The following PLA2G4A variants were observed in gnomAD, a reference collection of about 807,000 sequenced individuals.
The protein encoded by PLA2G4A is cytosolic phospholipase A2.
A neutral mutation model predicts 81.9 loss-of-function variants in PLA2G4A; 40 were observed. That is an observed-to-expected ratio of 0.49 (90% CI 0.38 to 0.64). PLA2G4A has a LOEUF of 0.64. PLA2G4A is among the 30% of genes least tolerant of loss of function. The pLI is 0.00. For missense variants in PLA2G4A, 715 were observed against 905.1 expected, an observed-to-expected ratio of 0.79 and a Z score of 2.69; for synonymous variants, 302 against 296.9, an observed-to-expected ratio of 1.02 and a Z score of -0.18.
intron 1 of PLA2G4A, among the ~76,000 whole-genome samples, chr1:186,853,365 C>A (rs1652443178): frequency 4.0e-5 from 6 of 151,378 alleles, no homozygotes; most frequent in Admixed American, 4.0e-4. Flanking sequence ...GGTGATTACA[C>A]TTTATTCTTT....
At chr1:186,876,272 T>TGTTCA (rs1455668476) in intron 3 of PLA2G4A, among the ~76,000 whole-genome samples, 1 of 152,144 alleles carries the variant, frequency 6.6e-6, no homozygotes, top group Non-Finnish European at 1.5e-5. Flanking sequence ...TATGTGCAAA[T>TGTTCA]GTTCAGTTCT....
intron 5 of PLA2G4A, among the ~76,000 whole-genome samples, chr1:186,903,680 T>C (rs1005156022): frequency 6.6e-6 from 1 of 152,198 alleles, no homozygotes; most frequent in Non-Finnish European, 1.5e-5. Context: ...TGCCTGAGGA[T>C]CTGTCACTGT....
rs1487426290 is a variant in PLA2G4A, at chr1:186,878,359, T to A, written c.115+7843T>A. ...GATATATTTTATATATATATATAAA[T>A]ATATCTTTTCTGATATAAATATTTC... On this transcript the variant is annotated intron_variant, in intron 3 of 17. Coordinates refer to ENST00000367466, the MANE Select transcript of PLA2G4A (RefSeq NM_024420.3). Among the ~76,000 whole-genome samples, 13 of 146,992 alleles carry A rather than the reference T, an allele frequency of 8.8e-5. No individual in the cohort carries two copies. In the South Asian group the frequency reaches 2.7e-3, roughly 31 times the overall value.
intron 10 of PLA2G4A, among the ~76,000 whole-genome samples, chr1:186,940,477 C>T (rs1656111087): frequency 6.6e-6 from 1 of 152,120 alleles, no homozygotes; most frequent in East Asian, 1.9e-4. Context: ...TACAGTCCTC[C>T]CTTGGTACTC....
chr1:186,904,360 T>C (rs1654659755), intron 5 of PLA2G4A, among the ~76,000 whole-genome samples: 1 of 152,234 alleles, frequency 6.6e-6, no homozygotes, highest in Non-Finnish European at 1.5e-5. Context: ...TGGAAGCCTG[T>C]AATGCAGAGA....
intron 5 of PLA2G4A, among the ~76,000 whole-genome samples, chr1:186,900,850 T>C (rs1654512196): frequency 6.6e-6 from 1 of 152,232 alleles, no homozygotes; most frequent in Non-Finnish European, 1.5e-5. Flanking sequence ...ATTTAGAAGT[T>C]GGTGTTAAAA....
chr1:186,985,004 T>C (rs1657848412), intron 17 of PLA2G4A, among the ~76,000 whole-genome samples: 1 of 152,156 alleles, frequency 6.6e-6, no homozygotes, highest in South Asian at 2.1e-4. Flanking sequence ...TGAGGCTGCA[T>C]GTCTTTTCTC....
At chr1:186,859,064 G>A (rs1401453116) in intron 2 of PLA2G4A, among the ~76,000 whole-genome samples, 1 of 152,132 alleles carries the variant, frequency 6.6e-6, no homozygotes, top group African/African-American at 2.4e-5. Context: ...AGTGAATCAA[G>A]CCAGCTTACT....
intron 8 of PLA2G4A, among the ~76,000 whole-genome samples, chr1:186,934,047 G>A (rs995399323): frequency 2.6e-5 from 4 of 152,048 alleles, no homozygotes; most frequent in South Asian, 4.1e-4. Flanking sequence ...TCTTCTGAAG[G>A]AAGGGTGTAG....
At chr1:186,909,400 C>G (rs1013515883) in intron 6 of PLA2G4A, among the ~76,000 whole-genome samples, 3 of 151,448 alleles carry the variant, frequency 2.0e-5, no homozygotes, top group African/African-American at 7.3e-5. Context: ...GTGGCTCATG[C>G]CTGTAATCCC....
chr1:186,896,667 A>T (rs1654342620), intron 5 of PLA2G4A, among the ~76,000 whole-genome samples: 1 of 152,106 alleles, frequency 6.6e-6, no homozygotes, highest in South Asian at 2.1e-4. Context: ...CTATGGCTAG[A>T]TGTGTAATCC....
intron 17 of PLA2G4A, among the ~76,000 whole-genome samples, chr1:186,985,980 A>G (rs949857613): frequency 1.3e-5 from 2 of 152,224 alleles, no homozygotes; most frequent in African/African-American, 4.8e-5. Flanking sequence ...AACTGATCTA[A>G]TACTGGGCTT....
At chr1:186,945,080 T>C (rs1438085367) in intron 10 of PLA2G4A, among the ~76,000 whole-genome samples, 4 of 152,064 alleles carry the variant, frequency 2.6e-5, no homozygotes, top group Non-Finnish European at 5.9e-5. Flanking sequence ...TAGAGAATTA[T>C]GAGTTGGGCA....
intron 3 of PLA2G4A, among the ~76,000 whole-genome samples, chr1:186,871,365 ATCTTAGATTTAATAATG>A (rs374353533): frequency 1.4e-3 from 216 of 152,326 alleles, no homozygotes; most frequent in African/African-American, 5.1e-3. Flanking sequence ...ATTTGATAAC[ATCTTAGATTTAATAATG>A]TCTTAGATTT....
chr1:186,977,509 C>G (rs2891263), intron 15 of PLA2G4A, 84 bp from the exon 16 acceptor site: 189,489 of 843,024 alleles, frequency 0.22, 22,484 homozygotes, highest in Admixed American at 0.3. Flanking sequence ...CAGTAGACAC[C>G]TAGTGAACAC....
intron 3 of PLA2G4A, among the ~76,000 whole-genome samples, chr1:186,882,902 C>A (rs1329875690): frequency 6.6e-6 from 1 of 152,000 alleles, no homozygotes; most frequent in Non-Finnish European, 1.5e-5. Flanking sequence ...GAAAAGACAA[C>A]TCTCGTGTTT....
At chr1:186,976,527 ATTAT>A (rs1386722975) in intron 15 of PLA2G4A, among the ~76,000 whole-genome samples, 1 of 152,192 alleles carries the variant, frequency 6.6e-6, no homozygotes, top group African/African-American at 2.4e-5. Flanking sequence ...TGAGATAGGT[ATTAT>A]TTATATCATC....
At chr1:186,958,932 C>A (rs896271682) in intron 14 of PLA2G4A, among the ~76,000 whole-genome samples, 5 of 152,094 alleles carry the variant, frequency 3.3e-5, no homozygotes, top group Admixed American at 1.3e-4. Context: ...ATCATTCTTG[C>A]AGCATTTAGG....
chr1:186,869,926 T>C (rs1224454024), intron 2 of PLA2G4A, among the ~76,000 whole-genome samples: 3 of 152,246 alleles, frequency 2.0e-5, no homozygotes, highest in Non-Finnish European at 4.4e-5. Context: ...TTGCATATGA[T>C]TTCTAACAAA....
Sources: gnomAD v4.1 joint callset for allele counts (sites outside exome capture counted in the v4.1 genomes callset) on GRCh38, gnomAD v4.1.1 for gene constraint, MANE v1.5 for transcripts, NCBI Gene and HGNC (gene_info 2026-07-23, HGNC 2026-07-21) for gene names.